CGGBP1: variants seen among roughly 807,000 people sequenced by gnomAD.
The protein encoded by CGGBP1 is CGG triplet repeat-binding protein 1.
CGGBP1 carries 4 observed loss-of-function variants against 11.4 expected under a neutral mutation model. The observed-to-expected ratio is 0.35, with a 90% CI of 0.17 to 0.80. CGGBP1 has a LOEUF of 0.80. CGGBP1 is among the 30% of genes least tolerant of loss of function. The pLI is 0.52. For synonymous variants in CGGBP1, 76 were observed against 74.1 expected (o/e 1.03, Z -0.13); for missense variants, 135 against 202.1 (o/e 0.67, Z 2.01).
chr3:88,100,976 A>G (rs538272728), intron 2 of CGGBP1, among the ~76,000 whole-genome samples: 1 of 152,330 alleles, frequency 6.6e-6, no homozygotes, highest in East Asian at 1.9e-4. Context: ...AAACTTTATT[A>G]TGACAATTTT....
intron 2 of CGGBP1, among the ~76,000 whole-genome samples, chr3:88,118,449 G>A (rs1409979708): frequency 1.3e-5 from 2 of 152,162 alleles, no homozygotes; most frequent in Non-Finnish European, 2.9e-5. Context: ...TGTGGGGCAA[G>A]TGTTGATCTC....
At chr3:88,076,027 G>A (rs1019699327) in intron 2 of CGGBP1, among the ~76,000 whole-genome samples, 6 of 152,130 alleles carry the variant, frequency 3.9e-5, no homozygotes, top group African/African-American at 1.4e-4. Flanking sequence ...TTTTCTTTAT[G>A]GCACAATGCC....
intron 2 of CGGBP1, among the ~76,000 whole-genome samples, chr3:88,116,332 C>A (rs898046793): frequency 1.3e-5 from 2 of 152,008 alleles, no homozygotes; most frequent in Non-Finnish European, 2.9e-5. Context: ...ACCAGCCTGA[C>A]CAACATGGAG....
At chr3:88,113,531 C>G (rs902237668) in intron 2 of CGGBP1, among the ~76,000 whole-genome samples, 1 of 152,090 alleles carries the variant, frequency 6.6e-6, no homozygotes. Context: ...GCCACTTTTT[C>G]CCTTGGCTGT....
upstream of CGGBP1, among the ~76,000 whole-genome samples, chr3:88,063,365 G>A (rs1048865268): frequency 2.6e-5 from 4 of 152,096 alleles, no homozygotes; most frequent in Non-Finnish European, 4.4e-5. Flanking sequence ...TTTAAGTAAC[G>A]ACTGTGGGCC....
At chr3:88,071,005 G>T (rs1460944647) in intron 2 of CGGBP1, among the ~76,000 whole-genome samples, 1 of 152,066 alleles carries the variant, frequency 6.6e-6, no homozygotes, top group Non-Finnish European at 1.5e-5. Flanking sequence ...ATAAAACGTA[G>T]GTAGAGAGTT....
chr3:88,084,514 C>T (rs369946642), intron 2 of CGGBP1, among the ~76,000 whole-genome samples: 1 of 152,250 alleles, frequency 6.6e-6, no homozygotes, highest in East Asian at 1.9e-4. Flanking sequence ...TTTTTACTTT[C>T]CAGCTAGTGA....
chr3:88,085,089 G>T (rs1013674977), intron 2 of CGGBP1, among the ~76,000 whole-genome samples: 5 of 152,172 alleles, frequency 3.3e-5, no homozygotes, highest in African/African-American at 1.2e-4. Context: ...TTGAAAAATT[G>T]TAGAAATGTG....
At chr3:88,117,637 G>C (rs1191840372) in intron 2 of CGGBP1, among the ~76,000 whole-genome samples, 3 of 152,006 alleles carry the variant, frequency 2.0e-5, no homozygotes, top group African/African-American at 7.3e-5. Flanking sequence ...TTTTTATTAT[G>C]GTTATCATGA....
At chr3:88,076,539 T>C (rs4858994) in intron 2 of CGGBP1, among the ~76,000 whole-genome samples, 119,094 of 152,038 alleles carry the variant, frequency 0.78, 47,581 homozygotes, top group South Asian at 0.91. Context: ...TTCTTTAATT[T>C]TTCCACTGTT....
At chr3:88,119,270 TA>T (rs1222390549) in intron 2 of CGGBP1, among the ~76,000 whole-genome samples, 7 of 146,312 alleles carry the variant, frequency 4.8e-5, no homozygotes, top group Non-Finnish European at 9.0e-5. Flanking sequence ...TCATTCTCAG[TA>T]AACTATCGCA....
At chr3:88,134,928 TG>T in intron 2 of CGGBP1, 1 of 507,204 alleles carries the variant, frequency 2.0e-6, no homozygotes, top group Non-Finnish European at 3.1e-6. Context: ...AGAAGTAGTT[TG>T]GGGGTGAACG....
chr3:88,148,368 C>T (rs879843729), intron 1 of CGGBP1, among the ~76,000 whole-genome samples: 3 of 152,198 alleles, frequency 2.0e-5, no homozygotes, highest in Non-Finnish European at 4.4e-5. Flanking sequence ...ATAAGTTGGA[C>T]ATGCCCTCCA....
intron 2 of CGGBP1, among the ~76,000 whole-genome samples, chr3:88,085,384 T>G (rs1489000033): frequency 1.3e-5 from 2 of 152,344 alleles, no homozygotes; most frequent in Middle Eastern, 3.4e-3. Context: ...TTATAGATAT[T>G]GAAATTTGAA....
At chr3:88,114,303 A>G (rs541890734) in intron 2 of CGGBP1, among the ~76,000 whole-genome samples, 1 of 152,318 alleles carries the variant, frequency 6.6e-6, no homozygotes, top group Non-Finnish European at 1.5e-5. Context: ...AATACCTCAT[A>G]GAGATGTTGG....
intron 2 of CGGBP1, chr3:88,138,822 C>T: frequency 8.1e-7 from 1 of 1,231,908 alleles, no homozygotes; most frequent in East Asian, 3.2e-5. Context: ...ACATTTTTTG[C>T]CAAATGATTT....
At chr3:88,059,020 G>A, upstream of CGGBP1, 1 of 433,482 alleles carries the variant, frequency 2.3e-6, no homozygotes, top group Non-Finnish European at 4.0e-6. Flanking sequence ...GAGCCCGTAG[G>A]CGGTCCCCAG....
At chr3:88,126,330 C>T (rs1706094897) in intron 2 of CGGBP1, 12 of 1,342,390 alleles carry the variant, frequency 8.9e-6, no homozygotes, top group Non-Finnish European at 1.2e-5. Flanking sequence ...CTTTCATTTA[C>T]TAACTAGAGC....
At chr3:88,115,832 G>C (rs1705355633) in intron 2 of CGGBP1, among the ~76,000 whole-genome samples, 1 of 152,010 alleles carries the variant, frequency 6.6e-6, no homozygotes, top group South Asian at 2.1e-4. Context: ...CAGTTTTCGA[G>C]ATTCCCAATG....
Sources: gnomAD v4.1 joint callset for allele counts (sites outside exome capture counted in the v4.1 genomes callset) on GRCh38, gnomAD v4.1.1 for gene constraint, MANE v1.5 for transcripts, NCBI Gene and HGNC (gene_info 2026-07-23, HGNC 2026-07-21) for gene names.